Variants in BTLA observed in about 807,000 individuals in gnomAD.
The protein encoded by BTLA is B and T lymphocyte associated.
In BTLA, 11 loss-of-function variants were observed where a neutral mutation model predicts 25.0. That is an observed-to-expected ratio of 0.44 (90% CI 0.28 to 0.73). The LOEUF (loss-of-function observed/expected upper bound fraction) is 0.73, where lower values mean the gene tolerates loss of function less well. Among genes scored for constraint, BTLA ranks in the 30% least tolerant of loss-of-function variants. BTLA has a pLI of 0.15. For synonymous variants in BTLA, 104 were observed against 119.8 expected, an observed-to-expected ratio of 0.87 and a Z score of 0.86; for missense variants, 282 against 332.8, an observed-to-expected ratio of 0.85 and a Z score of 1.19.
intron 1 of BTLA, among the ~76,000 whole-genome samples, chr3:112,494,153 T>G (rs1576693626): frequency 6.6e-6 from 1 of 150,598 alleles, no homozygotes; most frequent in Admixed American, 6.6e-5. Context: ...AACATAAGAA[T>G]AAAAGCTCAA....
At chr3:112,467,569 T>G (rs931724432) in intron 4 of BTLA, among the ~76,000 whole-genome samples, 1 of 152,200 alleles carries the variant, frequency 6.6e-6, no homozygotes, top group Non-Finnish European at 1.5e-5. Context: ...GTCATCCTCA[T>G]TGTGATGTGT....
At chr3:112,473,800 G>A (rs1466221597) in intron 2 of BTLA, among the ~76,000 whole-genome samples, 1 of 151,668 alleles carries the variant, frequency 6.6e-6, no homozygotes, top group East Asian at 1.9e-4. Flanking sequence ...ATTTTTAGTA[G>A]AGATAGGGTT....
chr3:112,474,199 C>T (rs1020224517), intron 2 of BTLA, among the ~76,000 whole-genome samples: 5 of 152,136 alleles, frequency 3.3e-5, no homozygotes, highest in Admixed American at 2.0e-4. Context: ...AAAATCACTT[C>T]GGAAATATAT....
At chr3:112,483,149 T>C (rs906367137) in intron 1 of BTLA, among the ~76,000 whole-genome samples, 2 of 142,866 alleles carry the variant, frequency 1.4e-5, no homozygotes, top group Non-Finnish European at 3.1e-5. Flanking sequence ...TCTTTTTTTT[T>C]TTTTTTTTTT....
intron 2 of BTLA, among the ~76,000 whole-genome samples, chr3:112,478,091 T>C (rs979858072): frequency 6.6e-6 from 1 of 152,022 alleles, no homozygotes; most frequent in African/African-American, 2.4e-5. Flanking sequence ...TCAAGATTGT[T>C]TTGGCAATTC....
At chr3:112,496,728 T>G (rs1261966610) in intron 1 of BTLA, among the ~76,000 whole-genome samples, 1 of 152,170 alleles carries the variant, frequency 6.6e-6, no homozygotes, top group South Asian at 2.1e-4. Context: ...TTATATCAAC[T>G]GGTATATATC....
At chr3:112,478,526 C>T (rs1334602463) in intron 2 of BTLA, among the ~76,000 whole-genome samples, 2 of 152,044 alleles carry the variant, frequency 1.3e-5, no homozygotes, top group East Asian at 3.8e-4. Flanking sequence ...TAGTTTTAAA[C>T]AAATTTTTAA....
intron 1 of BTLA, among the ~76,000 whole-genome samples, chr3:112,487,475 C>T (rs957418240): frequency 2.3e-4 from 35 of 152,066 alleles, no homozygotes; most frequent in Non-Finnish European, 4.4e-5. Context: ...ATCCCAGCTA[C>T]TCAGGAGGCT....
At chr3:112,486,073 C>T (rs772633115) in intron 1 of BTLA, among the ~76,000 whole-genome samples, 3 of 152,200 alleles carry the variant, frequency 2.0e-5, no homozygotes. Flanking sequence ...GCCTAGATCG[C>T]GCCACTGCAC....
At chr3:112,469,834 A>G (rs1450564178) in intron 3 of BTLA, 30 bp from the exon 4 acceptor site, 1 of 1,579,420 alleles carries the variant, frequency 6.3e-7, no homozygotes, top group South Asian at 1.1e-5. Context: ...AGAAGTAATC[A>G]AAAGGAGTAA....
chr3:112,499,207 G>T, intron 1 of BTLA, 64 bp downstream of exon 1: 1 of 1,161,810 alleles, frequency 8.6e-7, no homozygotes, highest in South Asian at 1.2e-5. Context: ...TTCAGCAAGG[G>T]AGAATGTTGC....
intron 2 of BTLA, among the ~76,000 whole-genome samples, chr3:112,473,176 T>C (rs2082271891): frequency 6.6e-6 from 1 of 151,796 alleles, no homozygotes; most frequent in South Asian, 2.1e-4. Flanking sequence ...CTGAAATTGA[T>C]TGAGAAAATG....
chr3:112,492,208 G>A (rs2082384112), intron 1 of BTLA, among the ~76,000 whole-genome samples: 1 of 152,178 alleles, frequency 6.6e-6, no homozygotes, highest in Admixed American at 6.5e-5. Flanking sequence ...ATGAGTTTCT[G>A]GTGGTTTTAG....
intron 2 of BTLA, among the ~76,000 whole-genome samples, chr3:112,479,244 A>G (rs946767834): frequency 3.9e-5 from 6 of 152,114 alleles, no homozygotes; most frequent in African/African-American, 1.4e-4. Context: ...TTTACTATCT[A>G]TTTCTCTACT....
intron 1 of BTLA, among the ~76,000 whole-genome samples, chr3:112,482,971 C>T (rs186820781): frequency 6.6e-6 from 1 of 152,212 alleles, no homozygotes; most frequent in East Asian, 1.9e-4. Flanking sequence ...AGCCTCCTAA[C>T]TTCCCTTTTC....
chr3:112,496,463 A>G (rs1327604929), intron 1 of BTLA, among the ~76,000 whole-genome samples: 1 of 152,184 alleles, frequency 6.6e-6, no homozygotes, highest in East Asian at 1.9e-4. Context: ...CCTCACTCCT[A>G]GGAACAAGGA....
At chr3:112,486,554 TTTAG>T (rs2082349074) in intron 1 of BTLA, among the ~76,000 whole-genome samples, 3 of 152,218 alleles carry the variant, frequency 2.0e-5, no homozygotes, top group African/African-American at 2.4e-5. Context: ...ACTTTGATTC[TTTAG>T]TTATAGTCTG....
chr3:112,494,003 G>A (rs1413234031), intron 1 of BTLA, among the ~76,000 whole-genome samples: 3 of 152,156 alleles, frequency 2.0e-5, no homozygotes, highest in Non-Finnish European at 2.9e-5. Flanking sequence ...CCAGCTACTC[G>A]GGAGGCTGAG....
chr3:112,471,391 ATC>A (rs1351880605), intron 2 of BTLA, 36 bp from the exon 3 acceptor site: 1 of 1,605,782 alleles, frequency 6.2e-7, no homozygotes, highest in South Asian at 1.1e-5. Flanking sequence ...GAGTTAGGAA[ATC>A]TGAGATATAT....
Sources: gnomAD v4.1 joint callset for allele counts (sites outside exome capture counted in the v4.1 genomes callset) on GRCh38, gnomAD v4.1.1 for gene constraint, MANE v1.5 for transcripts, NCBI Gene and HGNC (gene_info 2026-07-23, HGNC 2026-07-21) for gene names.